FN1: variants seen among roughly 807,000 people sequenced by gnomAD.
The protein encoded by FN1 is fibronectin.
In FN1, 106 loss-of-function variants were observed where a neutral mutation model predicts 297.3. That is an observed-to-expected ratio of 0.36 (90% confidence interval 0.30 to 0.42). The LOEUF is 0.42. Ranked by LOEUF, FN1 falls within the 10% of genes least tolerant of loss-of-function variation. FN1 has a pLI of 1.00. For missense variants in FN1, 2,690 were observed against 3,124.9 expected (o/e 0.86, Z 3.32); for synonymous variants, 1,149 against 1,152.6 (o/e 1.00, Z 0.06).
rs187779773 is a variant in FN1 at position 215,386,123 on chromosome 2, G to C, written c.4612+566C>G. Among the ~76,000 whole-genome samples, 45 of 133,094 alleles carry C rather than the reference G, an allele frequency of 3.4e-4. No individual in the cohort carries two copies. In the Admixed American group the frequency reaches 3.6e-3, roughly 11 times the overall value. 87.3% of individuals were successfully genotyped at this position (133,094 alleles called of 152,430 possible). A position where few individuals can be genotyped will look rare whatever the true frequency, so the allele number is the denominator to read the frequency against. ...GACAGGGTCTTGCTCTGTCACCCAG[G>C]TTGGAGTGCAATGGCCTGATCTCAG... On this transcript the variant is annotated intron_variant, in intron 28 of 45. Transcript: ENST00000354785.
chr2:215,400,950 C>G (rs1409075469), intron 20 of FN1, among the ~76,000 whole-genome samples: 2 of 150,864 alleles, frequency 1.3e-5, no homozygotes, highest in African/African-American at 4.9e-5. Context: ...TGCCCACCAC[C>G]ACATCCAGCT....
chr2:215,365,874 C>G (rs1553592343), intron 42 of FN1: 1 of 197,420 alleles, frequency 5.1e-6, no homozygotes, highest in Non-Finnish European at 9.9e-6. Context: ...GGTGCAATCT[C>G]GGCTCACTGT....
At chr2:215,379,980 G>A (rs895564763) in intron 33 of FN1, 1 of 152,642 alleles carries the variant, frequency 6.6e-6, no homozygotes, top group Non-Finnish European at 1.5e-5. Flanking sequence ...ACATGTGTGA[G>A]CCACTGCACC....
intron 13 of FN1, among the ~76,000 whole-genome samples, chr2:215,411,646 G>A (rs1236212120): frequency 1.3e-5 from 2 of 148,510 alleles, no homozygotes; most frequent in Non-Finnish European, 3.0e-5. Flanking sequence ...GCTTTTTGAA[G>A]ACTTTCCAAT....
At chr2:215,434,936 A>C in intron 1 of FN1, 112 bp from the exon 2 acceptor site, 1 of 1,205,428 alleles carries the variant, frequency 8.3e-7, no homozygotes, top group South Asian at 1.2e-5. Context: ...TAACTTTGCT[A>C]AAAGTTATAT....
intron 20 of FN1, among the ~76,000 whole-genome samples, chr2:215,400,749 C>T (rs773774791): frequency 2.8e-4 from 6 of 21,514 alleles, no homozygotes; most frequent in Middle Eastern, 0.083. Context: ...AAGGCTCCAT[C>T]TCAAAAAAAA....
At chr2:215,418,137 C>G (rs1038135447) in intron 12 of FN1, among the ~76,000 whole-genome samples, 4 of 152,160 alleles carry the variant, frequency 2.6e-5, no homozygotes, top group African/African-American at 9.7e-5. Flanking sequence ...GGAGGTTGGT[C>G]AATCTGTGCT....
chr2:215,390,142 A>G (rs935175857), intron 26 of FN1, among the ~76,000 whole-genome samples: 1 of 152,132 alleles, frequency 6.6e-6, no homozygotes, highest in Non-Finnish European at 1.5e-5. Context: ...GGCCAGTGGC[A>G]ATTTACTTAA....
rs2058582030 is a variant in FN1 at position 215,384,063 on chromosome 2, G to A, written c.4851C>T (p.Asp1617=). Residue 1617 remains aspartate, a synonymous_variant, in exon 30 of 46, where the codon GAC becomes GAT. Transcript: ENST00000354785. Reference sequence around the variant, plus strand: ...AAATTGGCTTGCTGCTTGCGGGGCTGTCTCCACGGCCAGTGACAGCATACA... The same window carrying A: ...AAATTGGCTTGCTGCTTGCGGGGCTATCTCCACGGCCAGTGACAGCATACA... ...ITVYAVTGRG[D]SPASSKPISI... 1.2e-6 allele frequency: 2 copies of A among 1,614,148 alleles called. No homozygotes were observed. The highest frequency in any genetic ancestry group is 4.5e-5 in the East Asian group (2 of 44,874).
At position 215,424,303 on chromosome 2, in the gene FN1, G is replaced by T; in HGVS notation, c.1059C>A (p.Gly353=). The T allele has an allele frequency of 6.2e-7, 1 of 1,613,946 alleles. No homozygotes were observed. Among genetic ancestry groups the T allele is most frequent in the Non-Finnish European group, 8.5e-7 (1 of 1,179,846 alleles). Residue 353 remains glycine, a synonymous_variant, in exon 8 of 46, where the codon GGC becomes GGA. Coordinates refer to ENST00000354785, the MANE Select transcript of FN1 (RefSeq NM_212482.4). ...AGACACATGGCTCTCCATTTGAGTT[G>T]CCACCGTAAGTCTGGGTTACAGCTA... ...QETAVTQTYG[G]NSNGEPCVLP...
intron 29 of FN1, chr2:215,384,489 T>G: frequency 2.3e-6 from 1 of 426,764 alleles, no homozygotes; most frequent in Admixed American, 4.0e-5. Flanking sequence ...TTGCATGCAT[T>G]GTGTCCTTTT....
intron 11 of FN1, 40 bp downstream of exon 11, chr2:215,420,633 C>T: frequency 2.5e-6 from 4 of 1,612,250 alleles, no homozygotes; most frequent in Non-Finnish European, 3.4e-6. Context: ...GCTAACCATT[C>T]CCCCTGTGCA....
At chr2:215,369,010 TAAAG>T (rs1385121255) in intron 41 of FN1, among the ~76,000 whole-genome samples, 1 of 152,078 alleles carries the variant, frequency 6.6e-6, no homozygotes, top group Admixed American at 6.6e-5. Flanking sequence ...GTGTCACCCT[TAAAG>T]AAAATAGCGT....
intron 26 of FN1, among the ~76,000 whole-genome samples, chr2:215,390,714 T>C (rs1369673807): frequency 2.0e-5 from 3 of 152,116 alleles, no homozygotes; most frequent in African/African-American, 7.2e-5. Context: ...CCTGGGGTGG[T>C]GGATATGCCA....
At chr2:215,399,136 G>T in intron 21 of FN1, 121 bp downstream of exon 21, 1 of 751,642 alleles carries the variant, frequency 1.3e-6, no homozygotes, top group East Asian at 2.5e-5. Flanking sequence ...AAAGATGTAT[G>T]GACAGAAGCA....
At chr2:215,363,917 T>C (rs2054019127) in intron 44 of FN1, among the ~76,000 whole-genome samples, 1 of 152,224 alleles carries the variant, frequency 6.6e-6, no homozygotes, top group African/African-American at 2.4e-5. Flanking sequence ...TTCCCATCTA[T>C]TTTCTTACCA....
Position 215,407,295 on chromosome 2 carries a change from C to T in FN1, c.2545G>A (p.Val849Ile), listed in dbSNP as rs1388925427. The part of the protein sequence containing the change: ...TGYRIVYSPS[V>I]EGSSTELNLP... ...TTGAGTTCTGTGCTGCTACCTTCTACTGATGGCGAATAGACTATTCTGTAC... is the reference window on the plus strand; with the variant it reads ...TTGAGTTCTGTGCTGCTACCTTCTATTGATGGCGAATAGACTATTCTGTAC... The change falls in exon 18 of 46, where the codon GTA (valine) becomes ATA (isoleucine). Residue 849 changes from valine (V) to isoleucine (I), a missense_variant. Val to Ile is a conservative substitution (Grantham distance 29, BLOSUM62 3). Transcript: ENST00000354785. The T allele has an allele frequency of 1.9e-6, 3 of 1,614,174 alleles. No individual in the cohort carries two copies. Among genetic ancestry groups the T allele is most frequent in the Non-Finnish European group, 2.5e-6 (3 of 1,180,016 alleles).
At chr2:215,404,774 G>C (rs1398989609) in intron 19 of FN1, 119 bp from the exon 20 acceptor site, 1 of 978,520 alleles carries the variant, frequency 1.0e-6, no homozygotes, top group South Asian at 1.4e-5. Context: ...CTATGTGAAA[G>C]TCAAAACCCT....
intron 23 of FN1, among the ~76,000 whole-genome samples, chr2:215,396,134 C>CT (rs1459479628): frequency 5.9e-5 from 9 of 151,982 alleles, no homozygotes; most frequent in Non-Finnish European, 7.4e-5. Flanking sequence ...CTATATAATA[C>CT]TTTTTTTTAA....
Sources: allele counts gnomAD v4.1 joint callset (sites outside exome capture counted in the v4.1 genomes callset), GRCh38; gene constraint gnomAD v4.1.1; transcripts MANE v1.5; gene names NCBI Gene and HGNC (gene_info 2026-07-23, HGNC 2026-07-21).